Variants in NCAM1 observed in about 807,000 individuals in gnomAD.
NCAM1 encodes antigen recognized by monoclonal antibody 5.1H11.
Under a neutral mutation model 109.8 loss-of-function variants are expected in NCAM1, and 14 were observed. That is an observed-to-expected ratio of 0.13 (90% CI 0.08 to 0.20). The LOEUF is 0.20. Among genes scored for constraint, NCAM1 ranks in the 10% least tolerant of loss-of-function variants. NCAM1 has a pLI of 1.00. For missense variants in NCAM1, 774 were observed against 1,109.9 expected, an observed-to-expected ratio of 0.70 and a Z score of 4.30; for synonymous variants, 418 against 442.9, an observed-to-expected ratio of 0.94 and a Z score of 0.70.
intron 14 of NCAM1, among the ~76,000 whole-genome samples, chr11:113,235,618 A>G (rs1555118145): frequency 2.0e-5 from 3 of 152,186 alleles, no homozygotes; most frequent in Non-Finnish European, 2.9e-5. Flanking sequence ...TAAGTCAGAG[A>G]CAAATGGAAA....
In NCAM1 at chr11:113,231,175, A is replaced by C. The variant is rs530375301; in HGVS notation, c.1090-470A>C. On this transcript the variant is annotated intron_variant, in intron 9 of 19. Transcript: ENST00000316851. ...TCTTTAATAATTTCTTATGTTGGGC[A>C]CTTGGAATGTCCTGCCACAGGTACA... 4.6e-6 allele frequency: 7 copies of C among 1,533,322 alleles called. No individual in the cohort carries two copies. The East Asian group carries it at 1.2e-4, about 27-fold the overall frequency. The allele number at this position is 1,533,322 out of a possible 1,614,324, so 95.0% of individuals were successfully genotyped here. A position where few individuals can be genotyped will look rare whatever the true frequency, so the allele number is the denominator to read the frequency against.
chr11:113,144,666 A>G (rs78851696), intron 1 of NCAM1, among the ~76,000 whole-genome samples: 1 of 152,210 alleles, frequency 6.6e-6, no homozygotes, highest in Non-Finnish European at 1.5e-5. Context: ...TCGGTTCAGC[A>G]TTTGTATTTT....
intron 1 of NCAM1, among the ~76,000 whole-genome samples, chr11:113,129,793 A>G (rs1335509128): frequency 6.6e-6 from 1 of 152,206 alleles, no homozygotes; most frequent in Non-Finnish European, 1.5e-5. Flanking sequence ...ATATGTGTTC[A>G]GTGACAAGGG....
At chr11:113,120,963 G>C (rs1355584541) in intron 1 of NCAM1, among the ~76,000 whole-genome samples, 2 of 152,098 alleles carry the variant, frequency 1.3e-5, no homozygotes, top group African/African-American at 2.4e-5. Flanking sequence ...GATTAGCTAG[G>C]CTCTAGGTGT....
At chr11:113,037,804 C>G (rs1952941366) in intron 1 of NCAM1, among the ~76,000 whole-genome samples, 1 of 152,222 alleles carries the variant, frequency 6.6e-6, no homozygotes, top group African/African-American at 2.4e-5. Flanking sequence ...GTCTCTTGTA[C>G]TGTGCCTGTA....
At chr11:113,013,147 C>A (rs191944452) in intron 1 of NCAM1, among the ~76,000 whole-genome samples, 1 of 151,830 alleles carries the variant, frequency 6.6e-6, no homozygotes, top group Non-Finnish European at 1.5e-5. Context: ...CAAAAGAAGG[C>A]GGGGTGCAGA....
intron 1 of NCAM1, among the ~76,000 whole-genome samples, chr11:113,115,971 T>G (rs1555094782): frequency 3.9e-5 from 6 of 152,180 alleles, no homozygotes. Context: ...AATAAAAAGT[T>G]TAATTCTTTC....
At chr11:113,267,320 A>AG (rs1485053168) in intron 17 of NCAM1, among the ~76,000 whole-genome samples, 2 of 152,050 alleles carry the variant, frequency 1.3e-5, no homozygotes, top group Admixed American at 1.3e-4. Context: ...GGGATGTCCT[A>AG]GGGGGGATGG....
chr11:113,068,361 G>C (rs1489710933), intron 1 of NCAM1, among the ~76,000 whole-genome samples: 5 of 152,024 alleles, frequency 3.3e-5, no homozygotes, highest in African/African-American at 1.2e-4. Context: ...TCGGCTTTTG[G>C]GTGGGTATAC....
At chr11:113,027,981 G>A (rs1176598183) in intron 1 of NCAM1, among the ~76,000 whole-genome samples, 1 of 152,064 alleles carries the variant, frequency 6.6e-6, no homozygotes, top group African/African-American at 2.4e-5. Flanking sequence ...CTCATATGTA[G>A]AATCTAAAAA....
At chr11:113,054,798 C>T (rs1429932718) in intron 1 of NCAM1, among the ~76,000 whole-genome samples, 1 of 152,084 alleles carries the variant, frequency 6.6e-6, no homozygotes, top group Non-Finnish European at 1.5e-5. Flanking sequence ...GGGGCCCTCT[C>T]CGTGACTGCG....
rs1445452840 is a variant in NCAM1, at chr11:113,142,829, C to T, written c.53-59550C>T. Among the ~76,000 whole-genome samples, 7 of 152,002 alleles carry T rather than the reference C, an allele frequency of 4.6e-5. No individual in the cohort carries two copies. In the East Asian group the frequency reaches 9.6e-4, roughly 21 times the overall value. ...TACTAACGTATCATTTCAAATGATA[C>T]GTTAGTTATTTTCAGTTTTTACTGT... On this transcript the variant is annotated intron_variant, in intron 1 of 19. Coordinates refer to ENST00000316851, the MANE Select transcript of NCAM1 (RefSeq NM_181351.5).
chr11:113,100,281 G>A (rs1939812092), intron 1 of NCAM1, among the ~76,000 whole-genome samples: 1 of 152,162 alleles, frequency 6.6e-6, no homozygotes, highest in African/African-American at 2.4e-5. Context: ...GCAAGTGGGT[G>A]CCAGGGCTGG....
chr11:113,106,710 T>A (rs1243705595), intron 1 of NCAM1, among the ~76,000 whole-genome samples: 1 of 152,178 alleles, frequency 6.6e-6, no homozygotes, highest in Non-Finnish European at 1.5e-5. Flanking sequence ...CTAAGGGGGT[T>A]ATTATAGGAG....
intron 1 of NCAM1, among the ~76,000 whole-genome samples, chr11:113,142,742 C>T (rs1412383730): frequency 6.6e-6 from 1 of 152,234 alleles, no homozygotes; most frequent in Non-Finnish European, 1.5e-5. Flanking sequence ...TGCCACCTTC[C>T]GGAAACAGTG....
intron 14 of NCAM1, among the ~76,000 whole-genome samples, chr11:113,236,513 T>C (rs1402347539): frequency 6.6e-6 from 1 of 152,216 alleles, no homozygotes; most frequent in Non-Finnish European, 1.5e-5. Flanking sequence ...GCTAACACTC[T>C]TCCTGTTTTA....
At chr11:113,199,133 G>T (rs1192559958) in intron 1 of NCAM1, among the ~76,000 whole-genome samples, 3 of 152,146 alleles carry the variant, frequency 2.0e-5, no homozygotes, top group Non-Finnish European at 4.4e-5. Flanking sequence ...CAGTATTTAC[G>T]CAAGGAGTGT....
At chr11:113,155,364 C>T (rs1942370520) in intron 1 of NCAM1, among the ~76,000 whole-genome samples, 2 of 151,888 alleles carry the variant, frequency 1.3e-5, no homozygotes, top group Admixed American at 6.6e-5. Flanking sequence ...CAAAAGTTAG[C>T]TGGGTGTGGT....
chr11:113,095,023 C>T (rs2135799771), intron 1 of NCAM1, among the ~76,000 whole-genome samples: 1 of 152,164 alleles, frequency 6.6e-6, no homozygotes, highest in South Asian at 2.1e-4. Flanking sequence ...AGCTTCTAGA[C>T]CGCTTACAGA....
Sources: gnomAD v4.1 joint callset for allele counts (sites outside exome capture counted in the v4.1 genomes callset) on GRCh38, gnomAD v4.1.1 for gene constraint, MANE v1.5 for transcripts, NCBI Gene and HGNC (gene_info 2026-07-23, HGNC 2026-07-21) for gene names.